TLL1: variants seen among roughly 807,000 people sequenced by gnomAD.
The protein encoded by TLL1 is tolloid-like protein 1.
TLL1 carries 49 observed loss-of-function variants against 128.2 expected under a neutral mutation model. That is an observed-to-expected ratio of 0.38 (90% CI 0.30 to 0.48). The LOEUF is 0.48. Ranked by LOEUF, TLL1 falls within the 20% of genes least tolerant of loss-of-function variation. TLL1 has a pLI of 0.96. For synonymous variants in TLL1, 454 were observed against 418.8 expected, an observed-to-expected ratio of 1.08 and a Z score of -1.03; for missense variants, 1,123 against 1,242.0, an observed-to-expected ratio of 0.90 and a Z score of 1.44.
intron 1 of TLL1, among the ~76,000 whole-genome samples, chr4:165,884,622 G>C (rs1244758506): frequency 6.6e-6 from 1 of 152,152 alleles, no homozygotes; most frequent in Non-Finnish European, 1.5e-5. Flanking sequence ...GATCACCTGA[G>C]GCCAAGAGTT....
chr4:166,021,179 G>A (rs566488554), intron 8 of TLL1, among the ~76,000 whole-genome samples: 2 of 151,998 alleles, frequency 1.3e-5, no homozygotes, highest in South Asian at 4.2e-4. Flanking sequence ...TTATATAACT[G>A]CTTTTGTATA....
intron 1 of TLL1, among the ~76,000 whole-genome samples, chr4:165,949,872 A>G (rs1734427268): frequency 6.6e-6 from 1 of 152,080 alleles, no homozygotes; most frequent in African/African-American, 2.4e-5. Context: ...CAACAACAAA[A>G]CGTAAACGAC....
chr4:166,068,225 G>C (rs1196078391), intron 16 of TLL1, among the ~76,000 whole-genome samples: 2 of 151,654 alleles, frequency 1.3e-5, no homozygotes, highest in African/African-American at 2.4e-5. Flanking sequence ...AAAAGGGAAG[G>C]TTAAAAACAT....
At chr4:165,920,861 A>T (rs1231630443) in intron 1 of TLL1, among the ~76,000 whole-genome samples, 3 of 152,204 alleles carry the variant, frequency 2.0e-5, no homozygotes, top group African/African-American at 7.2e-5. Context: ...GGTCTACAAT[A>T]AGTAAAGGTT....
rs577993263 is a variant in TLL1 at position 165,982,790 on chromosome 4, CAAGATT to C, written c.170-6590_170-6585del. 6.8e-5 allele frequency among the ~76,000 whole-genome samples: 10 copies of C among 146,518 alleles called. No individual in the cohort carries two copies. In the South Asian group the frequency reaches 2.1e-3, roughly 31 times the overall value. ...AACTGTCTTACTTCCAGAAAGAGATCAAGATTTACTCCAAGACCTAGTGTCAATATT... is the reference window on the plus strand; with the variant it reads ...AACTGTCTTACTTCCAGAAAGAGATCTACTCCAAGACCTAGTGTCAATATT... On this transcript the variant is annotated intron_variant, in intron 1 of 20. Transcript: ENST00000061240.
chr4:166,047,368 G>A (rs1202015706), intron 12 of TLL1, among the ~76,000 whole-genome samples: 3 of 151,502 alleles, frequency 2.0e-5, no homozygotes, highest in Admixed American at 1.3e-4. Context: ...GTTTCACCAT[G>A]TTAGCCAGGA....
chr4:166,013,097 G>A (rs898929123), intron 7 of TLL1, among the ~76,000 whole-genome samples: 7 of 151,630 alleles, frequency 4.6e-5, no homozygotes, highest in South Asian at 2.1e-4. Context: ...TGTACTGCCC[G>A]TTACCCATAT....
chr4:166,007,405 T>G (rs961551149), intron 6 of TLL1, among the ~76,000 whole-genome samples: 12 of 151,816 alleles, frequency 7.9e-5, no homozygotes, highest in African/African-American at 2.9e-4. Context: ...TAAATGAAAG[T>G]AGAGAATTTG....
intron 1 of TLL1, among the ~76,000 whole-genome samples, chr4:165,908,867 T>A (rs984474084): frequency 6.6e-6 from 1 of 152,056 alleles, no homozygotes; most frequent in Non-Finnish European, 1.5e-5. Context: ...ATTTTGAAGG[T>A]AGAGCCAACT....
Position 166,099,331 on chromosome 4 carries a change from C to T in TLL1, c.2711C>T (p.Ala904Val), listed in dbSNP as rs754819234. 31 of 1,613,430 alleles carry T rather than the reference C, an allele frequency of 1.9e-5. No homozygotes were observed. The highest frequency in any genetic ancestry group is 2.4e-5 in the Non-Finnish European group (28 of 1,179,664). Residue 904 changes from alanine to valine, a missense_variant, in exon 20 of 21, where the codon GCT (alanine) becomes GTT (valine). Around this residue, in one of 3 missense-constraint regions of TLL1, gnomAD observed 634 missense variants for 672.4 expected, o/e 0.94. Transcript: ENST00000061240. Reference sequence around the variant, plus strand: ...AAACCAAGAGATCTGTACTCACATGCTCAGTTTGGTGATAACAACTACCCA... The same window carrying T: ...AAACCAAGAGATCTGTACTCACATGTTCAGTTTGGTGATAACAACTACCCA... ...ESKPRDLYSH[A>V]QFGDNNYPGQ...
intron 1 of TLL1, among the ~76,000 whole-genome samples, chr4:165,959,471 C>T (rs979857716): frequency 6.6e-6 from 1 of 151,548 alleles, no homozygotes; most frequent in Non-Finnish European, 1.5e-5. Flanking sequence ...TCTCTTTTAA[C>T]TCAACACTTG....
chr4:166,087,564 T>C (rs1340422812), intron 18 of TLL1, among the ~76,000 whole-genome samples: 1 of 152,174 alleles, frequency 6.6e-6, no homozygotes, highest in Non-Finnish European at 1.5e-5. Flanking sequence ...GTTGCTCAAA[T>C]TGCATCAGTC....
At chr4:166,047,228 G>A (rs954492548) in intron 12 of TLL1, among the ~76,000 whole-genome samples, 4 of 151,232 alleles carry the variant, frequency 2.6e-5, no homozygotes, top group East Asian at 3.9e-4. Context: ...GCAGTGGCGC[G>A]ATCTCGGTTC....
At chr4:165,965,647 C>T (rs1236973665) in intron 1 of TLL1, among the ~76,000 whole-genome samples, 2 of 152,154 alleles carry the variant, frequency 1.3e-5, no homozygotes, top group Non-Finnish European at 2.9e-5. Flanking sequence ...AGATGGGCAC[C>T]TTCATGTCAG....
rs140532411 is a variant in TLL1, at chr4:166,047,607, T to C, written c.1524+4188T>C. On this transcript the variant is annotated intron_variant, in intron 12 of 20. Coordinates refer to ENST00000061240, the MANE Select transcript of TLL1 (RefSeq NM_012464.5). ...TCTACTTTAAAGAACTTCTTAGCTGTCCATCATTCATGCTTCTATGTGAAT... is the reference window on the plus strand; with the variant it reads ...TCTACTTTAAAGAACTTCTTAGCTGCCCATCATTCATGCTTCTATGTGAAT... Among the ~76,000 whole-genome samples the C allele has an allele frequency of 1.9e-3, 285 of 151,930 alleles. 2 individuals carry two copies. Among genetic ancestry groups the C allele is most frequent in the African/African-American group, 6.5e-3 (268 of 41,516 alleles).
chr4:166,094,432 T>C (rs2111162023), intron 19 of TLL1, among the ~76,000 whole-genome samples: 1 of 152,218 alleles, frequency 6.6e-6, no homozygotes, highest in East Asian at 1.9e-4. Context: ...AGTAAATCTT[T>C]TCAAAATATA....
chr4:165,903,898 A>C (rs1732127111), intron 1 of TLL1, among the ~76,000 whole-genome samples: 1 of 152,108 alleles, frequency 6.6e-6, no homozygotes, highest in Non-Finnish European at 1.5e-5. Context: ...AGGGGTATAC[A>C]TAAAATATAT....
intron 1 of TLL1, among the ~76,000 whole-genome samples, chr4:165,981,488 A>G (rs1021471395): frequency 6.6e-6 from 1 of 152,062 alleles, no homozygotes; most frequent in African/African-American, 2.4e-5. Context: ...CTGCAGGGAG[A>G]TTGGAGGTTT....
intron 19 of TLL1, among the ~76,000 whole-genome samples, chr4:166,093,651 C>T (rs1055801532): frequency 7.2e-5 from 11 of 152,134 alleles, no homozygotes; most frequent in Non-Finnish European, 8.8e-5. Flanking sequence ...TTACAGGTGT[C>T]GGGCTGGGGG....
Sources: gnomAD v4.1 joint callset for allele counts (sites outside exome capture counted in the v4.1 genomes callset) on GRCh38, gnomAD v4.1.1 for gene constraint, gnomAD v4.1.1 regional missense constraint, MANE v1.5 for transcripts, NCBI Gene and HGNC (gene_info 2026-07-23, HGNC 2026-07-21) for gene names.